DYNC2LI1: variants seen among roughly 807,000 people sequenced by gnomAD.
The protein encoded by DYNC2LI1 is dynein cytoplasmic 2 light intermediate chain 1, also known as cytoplasmic dynein 2 light intermediate chain 1.
A neutral mutation model predicts 51.9 loss-of-function variants in DYNC2LI1; 45 were observed. That is an observed-to-expected ratio of 0.87 (90% CI 0.68 to 1.11). The LOEUF is 1.11. Ranked by LOEUF, DYNC2LI1 falls within the 50% of genes most tolerant of loss-of-function variation. The pLI, the probability that DYNC2LI1 is intolerant of heterozygous loss-of-function variation, is 0.00. For missense variants in DYNC2LI1, 490 were observed against 417.4 expected, an observed-to-expected ratio of 1.17 and a Z score of -1.51; for synonymous variants, 130 against 137.8, an observed-to-expected ratio of 0.94 and a Z score of 0.40.
At chr2:43,795,045 T>A in intron 6 of DYNC2LI1, 3 of 1,052,824 alleles carry the variant, frequency 2.8e-6, no homozygotes, top group Non-Finnish European at 3.4e-6. Context: ...ACCATCACTC[T>A]GTATTTTACA....
intron 4 of DYNC2LI1, among the ~76,000 whole-genome samples, chr2:43,789,287 T>G (rs1371674830): frequency 6.6e-6 from 1 of 152,224 alleles, no homozygotes; most frequent in Admixed American, 6.5e-5. Flanking sequence ...TTCCAAAAGA[T>G]AATACGAAAT....
chr2:43,787,617 A>G (rs915869938), intron 4 of DYNC2LI1, among the ~76,000 whole-genome samples: 5 of 152,230 alleles, frequency 3.3e-5, no homozygotes, highest in Non-Finnish European at 5.9e-5. Flanking sequence ...AATTATTAGC[A>G]TTTAAAAATG....
chr2:43,825,152 TC>T, the DYNC2LI1 span: 1 of 1,081,928 alleles, frequency 9.2e-7, no homozygotes. Context: ...GAAATGCATT[TC>T]CCATAAGCAG....
At chr2:43,827,977 A>G in the DYNC2LI1 span, 1 of 1,613,956 alleles carries the variant, frequency 6.2e-7, no homozygotes, top group Non-Finnish European at 8.5e-7. Context: ...TCTGGGTGCC[A>G]CTTACTAGGA....
intron 8 of DYNC2LI1, among the ~76,000 whole-genome samples, chr2:43,797,692 G>C (rs1296452939): frequency 6.6e-6 from 1 of 151,498 alleles, no homozygotes; most frequent in Admixed American, 6.6e-5. Context: ...GCTAATTTTT[G>C]TATTTTTAAT....
chr2:43,787,160 C>T, intron 3 of DYNC2LI1, 21 bp from the exon 4 acceptor site: 1 of 1,588,918 alleles, frequency 6.3e-7, no homozygotes, highest in Non-Finnish European at 8.6e-7. Context: ...AATGATAATA[C>T]TATCGGCCTT....
At chr2:43,786,215 G>A (rs1673513689) in intron 3 of DYNC2LI1, among the ~76,000 whole-genome samples, 1 of 151,962 alleles carries the variant, frequency 6.6e-6, no homozygotes, top group African/African-American at 2.4e-5. Context: ...TTGTTTTTTT[G>A]TGAGACAGGG....
At chr2:43,820,011 A>C in the DYNC2LI1 span, 1 of 1,614,240 alleles carries the variant, frequency 6.2e-7, no homozygotes, top group Non-Finnish European at 8.5e-7. Context: ...AAGTAGCACA[A>C]GAGTTAGAAA....
Position 43,805,235 on chromosome 2 carries a change from C to T in DYNC2LI1, c.982C>T (p.Gln328Ter). Reference sequence around the variant, plus strand: ...AAATGAAGTCGATGAGATGAGAATTCAGAAGGATCTGGTATTATCCTAAAC... The same window carrying T: ...AAATGAAGTCGATGAGATGAGAATTTAGAAGGATCTGGTATTATCCTAAAC... ...AENEVDEMRI[Q>*]KDLELEQYKR... The change falls in exon 12 of 13, where the codon CAG becomes TAG. Residue 328 changes from glutamine (Q) to a stop codon, truncating the protein, a stop_gained. Transcript: ENST00000260605. LOFTEE classifies it high-confidence loss of function. The T allele has an allele frequency of 6.2e-7, 1 of 1,602,612 alleles. No homozygotes were observed. Among genetic ancestry groups the T allele is most frequent in the Non-Finnish European group, 8.5e-7 (1 of 1,170,064 alleles).
At chr2:43,827,486 T>A in the DYNC2LI1 span, among the ~76,000 whole-genome samples, 1 of 151,760 alleles carries the variant, frequency 6.6e-6, no homozygotes, top group South Asian at 2.1e-4. Flanking sequence ...AGTGGCGAGG[T>A]TTCCCCAGGT....
At chr2:43,823,548 C>T in the DYNC2LI1 span, among the ~76,000 whole-genome samples, 58,942 of 151,912 alleles carry the variant, frequency 0.39, 12,006 homozygotes, top group East Asian at 0.81. Context: ...AAAATCAGCT[C>T]CAAAGAGAAG....
At chr2:43,799,795 CA>C (rs1170722831) in intron 8 of DYNC2LI1, among the ~76,000 whole-genome samples, 1 of 152,142 alleles carries the variant, frequency 6.6e-6, no homozygotes, top group Non-Finnish European at 1.5e-5. Flanking sequence ...TAAAATTAAA[CA>C]GAGCAGTTAT....
chr2:43,791,456 T>C (rs1673780352), intron 5 of DYNC2LI1, among the ~76,000 whole-genome samples: 1 of 151,938 alleles, frequency 6.6e-6, no homozygotes, highest in South Asian at 2.1e-4. Flanking sequence ...GGTTAATACC[T>C]CATTTGTGAG....
rs1420583502 is a variant in DYNC2LI1 at position 43,809,897 on chromosome 2, TCTTGGA to T, written c.*133_*138del. 2.8e-6 allele frequency: 4 copies of T among 1,431,458 alleles called. No individual in the cohort carries two copies. Among genetic ancestry groups the T allele is most frequent in the Non-Finnish European group, 3.7e-6 (4 of 1,094,168 alleles). The allele number at this position is 1,431,458 out of a possible 1,614,324, so 88.7% of individuals were successfully genotyped here. ...AATTTGTTAAAGGACAAGCTGGATT[TCTTGGA>T]CTAGTGCATCTCCCTGTATATCTTG... On this transcript the variant is annotated 3_prime_UTR_variant, in exon 13 of 13. Transcript: ENST00000260605.
chr2:43,784,322 G>C (rs1013477149), intron 3 of DYNC2LI1, among the ~76,000 whole-genome samples: 9 of 152,124 alleles, frequency 5.9e-5, no homozygotes, highest in Non-Finnish European at 1.5e-5. Context: ...CAGGAATCAT[G>C]GGTCTTTTTA....
At chr2:43,780,355 G>A (rs191633408) in intron 2 of DYNC2LI1, among the ~76,000 whole-genome samples, 16 of 152,288 alleles carry the variant, frequency 1.1e-4, no homozygotes, top group African/African-American at 3.4e-4. Flanking sequence ...CAAGACCCAT[G>A]TGGGTGTGAA....
chr2:43,809,748 A>T lies in DYNC2LI1; in HGVS notation c.1037A>T (p.Gln346Leu). Reference protein sequence around the residue: ...YKRSSSKSWKQIELDS With the variant: ...YKRSSSKSWKLIELDS ...AGAAGTTCTTCCAAGTCTTGGAAACAAATCGAGCTTGATTCTTGAACCTAT... is the reference window on the plus strand; with the variant it reads ...AGAAGTTCTTCCAAGTCTTGGAAACTAATCGAGCTTGATTCTTGAACCTAT... Residue 346 changes from glutamine (Q) to leucine (L), a missense_variant, in exon 13 of 13, where the codon CAA becomes CTA. Gln to Leu is a moderately radical substitution (Grantham distance 113, BLOSUM62 -2). Transcript: ENST00000260605. 3 of 1,612,118 alleles carry T rather than the reference A, an allele frequency of 1.9e-6. No homozygotes were observed. The highest frequency in any genetic ancestry group is 2.5e-6 in the Non-Finnish European group (3 of 1,179,180).
the DYNC2LI1 span, chr2:43,824,380 G>A: frequency 2.7e-4 from 441 of 1,614,120 alleles, 4 homozygotes; most frequent in African/African-American, 5.0e-3. Flanking sequence ...GGACTCTCTT[G>A]GAGGTTTCTA....
chr2:43,824,882 AACTT>A, the DYNC2LI1 span: 1 of 1,613,908 alleles, frequency 6.2e-7, no homozygotes, highest in East Asian at 2.2e-5. Context: ...GTGAAAGAAA[AACTT>A]ACTATAGAAG....
Sources: allele counts gnomAD v4.1 joint callset (sites outside exome capture counted in the v4.1 genomes callset), GRCh38; gene constraint gnomAD v4.1.1; transcripts MANE v1.5; gene names NCBI Gene and HGNC (gene_info 2026-07-23, HGNC 2026-07-21).